Variants in NTNG1 observed in about 807,000 individuals in gnomAD.
The protein encoded by NTNG1 is netrin-G1.
In NTNG1, 16 loss-of-function variants were observed where a neutral mutation model predicts 54.0. The observed-to-expected ratio is 0.30, with a 90% CI of 0.20 to 0.45. The LOEUF (loss-of-function observed/expected upper bound fraction) is 0.45, where lower values mean the gene tolerates loss of function less well. Among genes scored for constraint, NTNG1 ranks in the 20% least tolerant of loss-of-function variants. The pLI is 1.00. For missense variants in NTNG1, 530 were observed against 678.7 expected (o/e 0.78, Z 2.43); for synonymous variants, 255 against 263.1 (o/e 0.97, Z 0.30).
At chr1:107,439,318 G>A (rs534584932) in intron 7 of NTNG1, among the ~76,000 whole-genome samples, 11 of 151,198 alleles carry the variant, frequency 7.3e-5, no homozygotes, top group South Asian at 2.1e-4. Flanking sequence ...GCATGCACAT[G>A]TGTTGGGAGT....
chr1:107,303,497 A>G (rs1268606384), intron 2 of NTNG1, among the ~76,000 whole-genome samples: 1 of 152,164 alleles, frequency 6.6e-6, no homozygotes. Context: ...CTAACACCTT[A>G]GTTCTACACT....
Position 107,333,786 on chromosome 1 carries a change from G to T in NTNG1, c.887+8864G>T, listed in dbSNP as rs182707092. Among the ~76,000 whole-genome samples, 226 of 149,930 alleles carry T rather than the reference G, an allele frequency of 1.5e-3. 1 individual carries two copies. The highest frequency in any genetic ancestry group is 5.2e-3 in the African/African-American group (213 of 40,802). ...CTTTGGGTGAAAAAGTGAGACTGTC[G>T]TAGAGAAAGACTAACCTCAATGAAG... On this transcript the variant is annotated intron_variant, in intron 3 of 7. Coordinates refer to ENST00000370068, the MANE Select transcript of NTNG1 (RefSeq NM_001113226.3).
intron 2 of NTNG1, among the ~76,000 whole-genome samples, chr1:107,259,515 T>C (rs942363206): frequency 6.6e-6 from 1 of 152,240 alleles, no homozygotes; most frequent in Non-Finnish European, 1.5e-5. Flanking sequence ...TCTGAACTTA[T>C]TATTTTGGAT....
chr1:107,207,081 G>A (rs148077965), intron 2 of NTNG1, among the ~76,000 whole-genome samples: 15 of 152,140 alleles, frequency 9.9e-5, no homozygotes, highest in East Asian at 3.9e-4. Context: ...AGTGTGTTTC[G>A]GAGATGAAAA....
At chr1:107,306,978 T>A (rs1449737268) in intron 2 of NTNG1, among the ~76,000 whole-genome samples, 1 of 152,180 alleles carries the variant, frequency 6.6e-6, no homozygotes, top group Non-Finnish European at 1.5e-5. Flanking sequence ...GATTCAGTCT[T>A]GTGTTTGGTC....
intron 7 of NTNG1, among the ~76,000 whole-genome samples, chr1:107,443,736 A>G (rs998469784): frequency 6.6e-6 from 1 of 152,132 alleles, no homozygotes; most frequent in Non-Finnish European, 1.5e-5. Flanking sequence ...TGGCCCTCAC[A>G]TGTCTATCAA....
At chr1:107,253,157 G>A (rs893658282) in intron 2 of NTNG1, among the ~76,000 whole-genome samples, 1 of 152,162 alleles carries the variant, frequency 6.6e-6, no homozygotes, top group East Asian at 1.9e-4. Flanking sequence ...AGCTTTCATG[G>A]GTTAAAACAG....
chr1:107,285,414 T>C (rs1045522319), intron 2 of NTNG1, among the ~76,000 whole-genome samples: 3 of 152,124 alleles, frequency 2.0e-5, no homozygotes, highest in Non-Finnish European at 4.4e-5. Context: ...CACTTCTGAT[T>C]GTCATTTTTA....
At chr1:107,240,203 T>C (rs1418367045) in intron 2 of NTNG1, among the ~76,000 whole-genome samples, 1 of 152,198 alleles carries the variant, frequency 6.6e-6, no homozygotes, top group African/African-American at 2.4e-5. Flanking sequence ...AGTAAAGGTC[T>C]TGCAGCATAA....
chr1:107,148,616 C>T lies in NTNG1; in HGVS notation c.23C>T (p.Ser8Leu), dbSNP rs750959424. 6.2e-6 allele frequency: 10 copies of T among 1,612,982 alleles called. No individual in the cohort carries two copies. Among genetic ancestry groups the T allele is most frequent in the East Asian group, 2.2e-5 (1 of 44,876 alleles). ...GAGATGTATTTGTCAAGATTCCTGTCGATTCATGCCCTTTGGGTTACGGTG... is the reference window on the plus strand; with the variant it reads ...GAGATGTATTTGTCAAGATTCCTGTTGATTCATGCCCTTTGGGTTACGGTG... MYLSRFL[S>L]IHALWVTVSS... The change falls in exon 2 of 8, where the codon TCG becomes TTG. Residue 8 changes from serine (S) to leucine (L), a missense_variant. Physicochemically the swap from Ser to Leu is moderately radical, Grantham distance 145. This residue lies in a region of NTNG1 where 318 missense variants were observed against 465.1 expected (regional missense o/e 0.68). Coordinates refer to ENST00000370068, the MANE Select transcript of NTNG1 (RefSeq NM_001113226.3).
At chr1:107,226,034 A>C (rs747461936) in intron 2 of NTNG1, among the ~76,000 whole-genome samples, 6 of 152,180 alleles carry the variant, frequency 3.9e-5, no homozygotes, top group Non-Finnish European at 8.8e-5. Flanking sequence ...CTGTATTTAT[A>C]GACAAATAAA....
intron 5 of NTNG1, among the ~76,000 whole-genome samples, chr1:107,419,642 C>T (rs1014305281): frequency 2.1e-5 from 3 of 145,076 alleles, no homozygotes; most frequent in Non-Finnish European, 4.5e-5. Flanking sequence ...AAAAAAGGCA[C>T]ATCTTTGGCT....
chr1:107,275,021 C>A (rs1435185147), intron 2 of NTNG1, among the ~76,000 whole-genome samples: 1 of 152,094 alleles, frequency 6.6e-6, no homozygotes, highest in Non-Finnish European at 1.5e-5. Flanking sequence ...TTGCATTAGT[C>A]AGGCTTCTCC....
intron 3 of NTNG1, among the ~76,000 whole-genome samples, chr1:107,326,473 T>A (rs573223035): frequency 9.5e-4 from 144 of 152,258 alleles, no homozygotes; most frequent in Non-Finnish European, 1.8e-3. Flanking sequence ...AGCAAAAGAC[T>A]ATTAGTTTCC....
At chr1:107,291,757 C>T (rs1189106528) in intron 2 of NTNG1, among the ~76,000 whole-genome samples, 2 of 152,072 alleles carry the variant, frequency 1.3e-5, no homozygotes, top group Non-Finnish European at 2.9e-5. Context: ...GATGTGAATA[C>T]ATTTTCTAAA....
At chr1:107,159,366 T>A (rs1298672197) in intron 2 of NTNG1, among the ~76,000 whole-genome samples, 1 of 152,190 alleles carries the variant, frequency 6.6e-6, no homozygotes, top group Non-Finnish European at 1.5e-5. Flanking sequence ...GTGTGATGCA[T>A]ATAGGAGTAG....
intron 2 of NTNG1, among the ~76,000 whole-genome samples, chr1:107,192,568 C>T (rs1188086250): frequency 6.6e-6 from 1 of 151,996 alleles, no homozygotes; most frequent in Admixed American, 6.6e-5. Flanking sequence ...CTCACAGGGG[C>T]CCTAGGGACA....
intron 3 of NTNG1, among the ~76,000 whole-genome samples, chr1:107,370,310 C>T (rs574128455): frequency 6.7e-6 from 1 of 149,406 alleles, no homozygotes; most frequent in South Asian, 2.1e-4. Context: ...GCGTTGAATC[C>T]ATTGATAAGT....
chr1:107,397,734 C>CTTTT (rs545551291), intron 4 of NTNG1, among the ~76,000 whole-genome samples: 1 of 145,982 alleles, frequency 6.9e-6, no homozygotes. Flanking sequence ...CTTATCAAAC[C>CTTTT]TTTTTTTTTT....
Sources: allele counts gnomAD v4.1 joint callset (sites outside exome capture counted in the v4.1 genomes callset), GRCh38; gene constraint gnomAD v4.1.1; regional missense constraint gnomAD v4.1.1; transcripts MANE v1.5; gene names NCBI Gene and HGNC (gene_info 2026-07-23, HGNC 2026-07-21).